DLG2: variants seen among roughly 807,000 people sequenced by gnomAD.
DLG2 encodes the protein discs large MAGUK scaffold protein 2.
DLG2 carries 45 observed loss-of-function variants against 132.5 expected under a neutral mutation model. The ratio of observed to expected loss-of-function variants is 0.34; its 90% CI spans 0.27 to 0.44. The LOEUF is 0.44. Ranked by LOEUF, DLG2 falls within the 20% of genes least tolerant of loss-of-function variation. The pLI is 1.00. For synonymous variants in DLG2, 424 were observed against 419.6 expected (o/e 1.01, Z -0.13); for missense variants, 1,045 against 1,196.9 (o/e 0.87, Z 1.87).
At chr11:84,116,465 A>G (rs1206378114) in intron 9 of DLG2, among the ~76,000 whole-genome samples, 2 of 152,182 alleles carry the variant, frequency 1.3e-5, no homozygotes, top group Non-Finnish European at 2.9e-5. Context: ...TCTCACGATC[A>G]TGGTGGAAGG....
At chr11:84,837,673 T>A (rs553727237) in intron 6 of DLG2, among the ~76,000 whole-genome samples, 90 of 151,948 alleles carry the variant, frequency 5.9e-4, no homozygotes, top group African/African-American at 2.0e-3. Context: ...ATTATCCCAT[T>A]GCTATAGGAA....
chr11:84,120,466 A>G (rs1249643353), intron 9 of DLG2, among the ~76,000 whole-genome samples: 1 of 152,210 alleles, frequency 6.6e-6, no homozygotes, highest in African/African-American at 2.4e-5. Context: ...TGTTCTTCAC[A>G]ATGACTCTGA....
rs2099735496 is a variant in DLG2, at chr11:84,683,663, A to C, written c.358-148932T>G. ...AGATGAGCACATGCAGCTGGTAGGAAATGGGCTGAAGTCGCAGCACCATGC... is the reference window on the plus strand; with the variant it reads ...AGATGAGCACATGCAGCTGGTAGGACATGGGCTGAAGTCGCAGCACCATGC... On this transcript the variant is annotated intron_variant, in intron 6 of 27. Coordinates refer to ENST00000376104, the MANE Select transcript of DLG2 (RefSeq NM_001142699.3). Among the ~76,000 whole-genome samples the C allele has an allele frequency of 2.0e-5, 3 of 152,154 alleles. No homozygotes were observed. In the South Asian group the frequency reaches 6.2e-4, roughly 31 times the overall value.
intron 4 of DLG2, among the ~76,000 whole-genome samples, chr11:85,213,974 A>G (rs189140408): frequency 6.6e-6 from 1 of 152,250 alleles, no homozygotes; most frequent in Admixed American, 6.5e-5. Flanking sequence ...TTTCTAACCC[A>G]AACCCCAAAG....
intron 7 of DLG2, among the ~76,000 whole-genome samples, chr11:84,320,766 A>T (rs2098400042): frequency 6.6e-6 from 1 of 152,226 alleles, no homozygotes; most frequent in East Asian, 1.9e-4. Flanking sequence ...TAACCAAAAC[A>T]GAGGATTTAA....
intron 7 of DLG2, among the ~76,000 whole-genome samples, chr11:84,440,438 T>C (rs890382903): frequency 5.9e-5 from 9 of 152,122 alleles, no homozygotes; most frequent in African/African-American, 2.2e-4. Flanking sequence ...AAGATGGATA[T>C]AATGTCAACT....
intron 16 of DLG2, among the ~76,000 whole-genome samples, chr11:83,843,500 G>C (rs1459722764): frequency 2.6e-5 from 4 of 152,136 alleles, no homozygotes; most frequent in Admixed American, 6.6e-5. Context: ...CAATCTGTAT[G>C]GTCCTGAAAG....
chr11:83,808,084 C>G (rs117350163), intron 17 of DLG2, among the ~76,000 whole-genome samples: 10 of 152,108 alleles, frequency 6.6e-5, no homozygotes, highest in Non-Finnish European at 1.2e-4. Flanking sequence ...AGCCTCGTGC[C>G]GGTCATCACA....
rs1205657603 is a variant in DLG2 at position 83,753,674 on chromosome 11, GAT to G, written c.1825+33014_1825+33015del. Among the ~76,000 whole-genome samples, 41 of 139,084 alleles carry G rather than the reference GAT, an allele frequency of 2.9e-4. 3 individuals carry two copies. Among genetic ancestry groups the G allele is most frequent in the East Asian group, 2.7e-3 (13 of 4,882 alleles). 91.2% of individuals were successfully genotyped at this position (139,084 alleles called of 152,430 possible). A position where few individuals can be genotyped will look rare whatever the true frequency, so the allele number is the denominator to read the frequency against. The stretch of plus-strand genomic sequence containing the variant: ...AATAAATATATATATATTTTAAATT[GAT>G]ATATATATCAATTTAAAATATATAT... On this transcript the variant is annotated intron_variant, in intron 18 of 27. Transcript: ENST00000376104.
intron 6 of DLG2, among the ~76,000 whole-genome samples, chr11:84,924,394 G>T (rs1218306956): frequency 6.6e-6 from 1 of 152,176 alleles, no homozygotes; most frequent in Non-Finnish European, 1.5e-5. Context: ...CAACAAGGAA[G>T]ATCAGCATAA....
intron 7 of DLG2, among the ~76,000 whole-genome samples, chr11:84,491,491 G>A (rs77058277): frequency 0.076 from 11,617 of 152,064 alleles, 579 homozygotes; most frequent in South Asian, 0.17. Context: ...TATCAGCAAC[G>A]TGCAAACAGA....
At chr11:84,442,557 C>A (rs972442396) in intron 7 of DLG2, among the ~76,000 whole-genome samples, 6 of 152,014 alleles carry the variant, frequency 3.9e-5, no homozygotes, top group Non-Finnish European at 7.4e-5. Context: ...GGAGGGATAG[C>A]ATTAGGAAAA....
chr11:85,418,582 T>A (rs1185026385), intron 3 of DLG2, among the ~76,000 whole-genome samples: 1 of 152,226 alleles, frequency 6.6e-6, no homozygotes, highest in Non-Finnish European at 1.5e-5. Context: ...AGTCTATGTC[T>A]CTTTGTAAGT....
At chr11:85,431,548 C>T (rs1263147510) in intron 3 of DLG2, among the ~76,000 whole-genome samples, 1 of 152,260 alleles carries the variant, frequency 6.6e-6, no homozygotes, top group Non-Finnish European at 1.5e-5. Flanking sequence ...GCCATTACCA[C>T]TGCCACTGCT....
chr11:84,763,895 G>A (rs1187160972), intron 6 of DLG2, among the ~76,000 whole-genome samples: 1 of 152,124 alleles, frequency 6.6e-6, no homozygotes, highest in Non-Finnish European at 1.5e-5. Context: ...TTAAGAAACT[G>A]TGTTTGTTGG....
intron 18 of DLG2, chr11:83,725,141 A>T: frequency 2.0e-6 from 1 of 491,556 alleles, no homozygotes; most frequent in Non-Finnish European, 3.7e-6. Context: ...GTAACAAATC[A>T]CTTTCCAGAT....
intron 6 of DLG2, among the ~76,000 whole-genome samples, chr11:84,846,848 AT>A (rs774384441): frequency 2.0e-5 from 3 of 152,188 alleles, no homozygotes; most frequent in Non-Finnish European, 2.9e-5. Context: ...CTATTTAAAA[AT>A]ATCCATGTAT....
chr11:85,361,360 T>G (rs531373007), intron 3 of DLG2, among the ~76,000 whole-genome samples: 8 of 152,170 alleles, frequency 5.3e-5, no homozygotes, highest in African/African-American at 1.2e-4. Flanking sequence ...GCAGATTTCT[T>G]ACATGCATAC....
chr11:85,216,225 A>T (rs1343341919), intron 4 of DLG2, among the ~76,000 whole-genome samples: 1 of 152,176 alleles, frequency 6.6e-6, no homozygotes, highest in Non-Finnish European at 1.5e-5. Context: ...AAACGACAAG[A>T]AAGTCAGTGG....
Sources: allele counts gnomAD v4.1 joint callset (sites outside exome capture counted in the v4.1 genomes callset), GRCh38; gene constraint gnomAD v4.1.1; transcripts MANE v1.5; gene names NCBI Gene and HGNC (gene_info 2026-07-23, HGNC 2026-07-21).